CCDC88A: variants seen among roughly 807,000 people sequenced by gnomAD.
The protein encoded by CCDC88A is coiled-coil and HOOK domain protein 88A.
A neutral mutation model predicts 234.3 loss-of-function variants in CCDC88A; 54 were observed. The observed-to-expected ratio is 0.23, with a 90% CI of 0.19 to 0.29. The LOEUF is 0.29. Ranked by LOEUF, CCDC88A falls within the 10% of genes least tolerant of loss-of-function variation. CCDC88A has a pLI of 1.00. For missense variants in CCDC88A, 1,832 were observed against 2,123.4 expected (o/e 0.86, Z 2.70); for synonymous variants, 753 against 737.8 (o/e 1.02, Z -0.33).
chr2:55,312,638 G>A, intron 22 of CCDC88A, 59 bp from the exon 23 acceptor site: 1 of 1,240,688 alleles, frequency 8.1e-7, no homozygotes, highest in Admixed American at 2.0e-5. Context: ...TAAATCAACT[G>A]AAAAATATGA....
intron 22 of CCDC88A, 149 bp downstream of exon 22, chr2:55,315,779 A>C (rs1682909325): frequency 4.6e-6 from 2 of 430,336 alleles, no homozygotes; most frequent in African/African-American, 2.0e-5. Context: ...TCTGAATTAC[A>C]TGTAAGTTTC....
In CCDC88A at chr2:55,296,377, G is replaced by C; in HGVS notation, c.4972C>G (p.His1658Asp). 1.2e-6 allele frequency: 2 copies of C among 1,614,202 alleles called. No individual in the cohort carries two copies. The highest frequency in any genetic ancestry group is 1.7e-6 in the Non-Finnish European group (2 of 1,180,034). Residue 1658 changes from histidine to aspartate, a missense_variant, in exon 30 of 33, where the codon CAC (histidine) becomes GAC (aspartate). Transcript: ENST00000436346. ...CTCTCCAGTGTTTCAGATATTTTGTGCTGGAGCACTGGGCTTGATCTGGTC... is the reference window on the plus strand; with the variant it reads ...CTCTCCAGTGTTTCAGATATTTTGTCCTGGAGCACTGGGCTTGATCTGGTC... Reference protein sequence around the residue: ...RQTRSSPVLQHKISETLESRH... With the variant: ...RQTRSSPVLQDKISETLESRH...
intron 2 of CCDC88A, among the ~76,000 whole-genome samples, chr2:55,398,030 T>G (rs1677916149): frequency 6.6e-6 from 1 of 152,176 alleles, no homozygotes; most frequent in Admixed American, 6.5e-5. Context: ...AAATAAAATT[T>G]AAATATTTGA....
chr2:55,347,809 G>A (rs989372574), intron 9 of CCDC88A, among the ~76,000 whole-genome samples: 1 of 151,524 alleles, frequency 6.6e-6, no homozygotes, highest in African/African-American at 2.4e-5. Context: ...ACAGAGTTTC[G>A]CCATGTTGCC....
chr2:55,326,245 G>A (rs749786497), intron 17 of CCDC88A, among the ~76,000 whole-genome samples: 2 of 151,564 alleles, frequency 1.3e-5, no homozygotes, highest in Non-Finnish European at 2.9e-5. Flanking sequence ...TCAAACCCCT[G>A]CGCTCAAGCG....
chr2:55,388,713 G>C (rs558803420), intron 3 of CCDC88A, 65 bp downstream of exon 3: 9 of 671,570 alleles, frequency 1.3e-5, no homozygotes, highest in African/African-American at 1.3e-4. Flanking sequence ...TGAGATGACT[G>C]ATACTAAATA....
intron 2 of CCDC88A, among the ~76,000 whole-genome samples, chr2:55,408,106 C>G (rs1255608714): frequency 6.6e-6 from 1 of 151,972 alleles, no homozygotes; most frequent in South Asian, 2.1e-4. Context: ...GAAGAAAGTT[C>G]CTTCTCCACT....
chr2:55,351,213 A>G (rs765872500), intron 8 of CCDC88A, among the ~76,000 whole-genome samples: 6 of 152,152 alleles, frequency 3.9e-5, no homozygotes, highest in Non-Finnish European at 7.4e-5. Context: ...TGGGACTACA[A>G]GTGCACACTG....
At position 55,288,414 on chromosome 2, in the gene CCDC88A, CA is replaced by C. The variant is rs1262384803; in HGVS notation, c.*2785del. On this transcript the variant is annotated 3_prime_UTR_variant, in exon 33 of 33. Transcript: ENST00000436346. ...AAAAAGTAACTTAAAATACAAAAGTCATTTAGTATACATTATTACTCCCCAT... is the reference window on the plus strand; with the variant it reads ...AAAAAGTAACTTAAAATACAAAAGTCTTTAGTATACATTATTACTCCCCAT... 2 of 152,584 alleles carry C rather than the reference CA, an allele frequency of 1.3e-5. No individual in the cohort carries two copies. Among genetic ancestry groups the C allele is most frequent in the Admixed American group, 6.5e-5 (1 of 15,276 alleles). 9.5% of individuals were successfully genotyped at this position (152,584 alleles called of 1,614,324 possible). A position where few individuals can be genotyped will look rare whatever the true frequency, so the allele number is the denominator to read the frequency against.
At chr2:55,323,140 G>C (rs1014515478) in intron 17 of CCDC88A, 2 of 152,274 alleles carry the variant, frequency 1.3e-5, no homozygotes, top group Admixed American at 1.3e-4. Flanking sequence ...AATCACACTA[G>C]AAAATCCTGG....
Position 55,332,581 on chromosome 2 carries a change from T to C in CCDC88A, c.2840A>G (p.Gln947Arg). ...LNKERLLHDE[Q>R]STDDSRYKLL... ...TAGTACTCACCTGTCATCAGTACTT[T>C]GTTCATCATGTAAGAGTCGCTCCTT... The change falls in exon 16 of 33, where the codon CAA becomes CGA. Residue 947 changes from glutamine (Q) to arginine (R), a missense_variant. Around this residue, in one of 6 missense-constraint regions of CCDC88A, gnomAD observed 1,282 missense variants for 1,543.6 expected, o/e 0.83. Transcript: ENST00000436346. The surrounding 1 kb of genome is among the most constrained non-coding windows in gnomAD (Gnocchi z 4.5). The C allele has an allele frequency of 1.2e-6, 2 of 1,613,542 alleles. No individual in the cohort carries two copies. Among genetic ancestry groups the C allele is most frequent in the Non-Finnish European group, 1.7e-6 (2 of 1,179,784 alleles).
chr2:55,341,116 T>C (rs903544711), intron 12 of CCDC88A, among the ~76,000 whole-genome samples: 1 of 151,140 alleles, frequency 6.6e-6, no homozygotes, highest in Non-Finnish European at 1.5e-5. Flanking sequence ...TCATCCATAT[T>C]GTTGCAAATG....
At chr2:55,338,671 G>A (rs1328486790) in intron 13 of CCDC88A, among the ~76,000 whole-genome samples, 1 of 152,202 alleles carries the variant, frequency 6.6e-6, no homozygotes, top group South Asian at 2.1e-4. Flanking sequence ...TTCAAGATGA[G>A]CCTAGAATAT....
chr2:55,370,733 C>A (rs534704959), intron 5 of CCDC88A, among the ~76,000 whole-genome samples: 132 of 149,524 alleles, frequency 8.8e-4, no homozygotes, highest in Middle Eastern at 3.6e-3. Context: ...TGGGGCCAGG[C>A]AGGGTGGCTC....
intron 29 of CCDC88A, 92 bp from the exon 30 acceptor site, chr2:55,296,615 T>C (rs1680058854): frequency 8.3e-7 from 1 of 1,201,108 alleles, no homozygotes; most frequent in Admixed American, 2.3e-5. Context: ...GTGCTAATTA[T>C]ATGAACAGCC....
intron 18 of CCDC88A, among the ~76,000 whole-genome samples, chr2:55,321,376 A>G (rs1262090396): frequency 6.6e-6 from 1 of 151,832 alleles, no homozygotes; most frequent in Non-Finnish European, 1.5e-5. Context: ...CATGGTGAAA[A>G]CTGTCTCTAC....
At chr2:55,397,626 GTAAATGC>G (rs1677850965) in intron 2 of CCDC88A, among the ~76,000 whole-genome samples, 1 of 151,850 alleles carries the variant, frequency 6.6e-6, no homozygotes, top group South Asian at 2.1e-4. Context: ...ATTTTATAAT[GTAAATGC>G]TATCTTTGTC....
chr2:55,408,935 G>C (rs1680032083), intron 2 of CCDC88A, among the ~76,000 whole-genome samples: 1 of 151,902 alleles, frequency 6.6e-6, no homozygotes, highest in Admixed American at 6.6e-5. Flanking sequence ...CAACTATTCA[G>C]CTAAGAATCT....
chr2:55,315,796 C>T (rs1682913166), intron 22 of CCDC88A, 132 bp downstream of exon 22: 1 of 471,776 alleles, frequency 2.1e-6, no homozygotes, highest in Non-Finnish European at 3.7e-6. Context: ...TTTCAGTGAT[C>T]CTAGACCAAA....
Sources: allele counts gnomAD v4.1 joint callset (sites outside exome capture counted in the v4.1 genomes callset), GRCh38; gene constraint gnomAD v4.1.1; regional missense constraint gnomAD v4.1.1; non-coding constraint Gnocchi (gnomAD v3.1); transcripts MANE v1.5; gene names NCBI Gene and HGNC (gene_info 2026-07-23, HGNC 2026-07-21).